PBRM1: variants seen among roughly 807,000 people sequenced by gnomAD.
PBRM1 encodes protein polybromo-1.
In PBRM1, 27 loss-of-function variants were observed where a neutral mutation model predicts 194.5. The observed-to-expected ratio is 0.14, with a 90% CI of 0.10 to 0.19. PBRM1 has a LOEUF of 0.19. Among genes scored for constraint, PBRM1 ranks in the 10% least tolerant of loss-of-function variants. The pLI, the probability that PBRM1 is intolerant of heterozygous loss-of-function variation, is 1.00. For missense variants in PBRM1, 1,466 were observed against 2,077.2 expected, an observed-to-expected ratio of 0.71 and a Z score of 5.72; for synonymous variants, 655 against 693.2, an observed-to-expected ratio of 0.94 and a Z score of 0.87.
upstream of PBRM1, chr3:52,681,894 T>G: frequency 1.2e-5 from 2 of 169,448 alleles, no homozygotes; most frequent in Non-Finnish European, 2.5e-5. Flanking sequence ...TGAGTACGAA[T>G]AGATAGAAAA....
intron 13 of PBRM1, among the ~76,000 whole-genome samples, chr3:52,619,232 A>G (rs187145654): frequency 6.6e-6 from 1 of 152,298 alleles, no homozygotes; most frequent in Admixed American, 6.5e-5. Context: ...CTAAGGTCCT[A>G]TAGTATAGTC....
intron 13 of PBRM1, chr3:52,624,934 G>C: frequency 6.5e-7 from 1 of 1,547,684 alleles, no homozygotes; most frequent in Non-Finnish European, 8.7e-7. Context: ...TCACTGTCAT[G>C]AGTGTTCCTG....
At chr3:52,636,155 G>C (rs889098277) in intron 10 of PBRM1, among the ~76,000 whole-genome samples, 13 of 151,948 alleles carry the variant, frequency 8.6e-5, no homozygotes, top group African/African-American at 2.9e-4. Flanking sequence ...ACAGGCGTGA[G>C]CCACCACGCC....
At chr3:52,632,399 C>T (rs1233626021) in intron 11 of PBRM1, among the ~76,000 whole-genome samples, 1 of 151,988 alleles carries the variant, frequency 6.6e-6, no homozygotes, top group African/African-American at 2.4e-5. Context: ...GGGCAACAAG[C>T]AAGACTTGGT....
At chr3:52,558,111 T>C (rs1044822219) in intron 26 of PBRM1, 138 bp downstream of exon 28, 5 of 617,642 alleles carry the variant, frequency 8.1e-6, no homozygotes, top group African/African-American at 1.9e-5. Context: ...AAAGGCAATA[T>C]AGGACAACAT....
At chr3:52,551,937 C>T (rs1444516198) in intron 27 of PBRM1, 3 of 152,142 alleles carry the variant, frequency 2.0e-5, no homozygotes, top group Admixed American at 6.5e-5. Context: ...GCTGCTGAAG[C>T]GAGCACTAAG....
chr3:52,563,217 T>G, intron 24 of PBRM1, 66 bp downstream of exon 26: 1 of 1,204,910 alleles, frequency 8.3e-7, no homozygotes, highest in Non-Finnish European at 1.2e-6. Context: ...CACTTTACTT[T>G]GGTTTTGAGT....
exon 29 of PBRM1, chr3:52,550,607 C>T (rs2153378791): frequency 6.5e-7 from 1 of 1,527,316 alleles, no homozygotes; most frequent in South Asian, 1.3e-5. Flanking sequence ...GGAGGTGGTG[C>T]CTGCTGCCCT....
At chr3:52,637,461 ATC>A (rs1254785899) in intron 10 of PBRM1, among the ~76,000 whole-genome samples, 1 of 151,980 alleles carries the variant, frequency 6.6e-6, no homozygotes, top group African/African-American at 2.4e-5. Context: ...ATGAAACTCC[ATC>A]TCTATCACAA....
intron 11 of PBRM1, among the ~76,000 whole-genome samples, chr3:52,629,372 C>T (rs535386249): frequency 3.3e-5 from 5 of 152,268 alleles, no homozygotes; most frequent in East Asian, 1.9e-4. Context: ...ATAGTTCATA[C>T]GTGAACCTTA....
At chr3:52,560,384 A>G (rs1303155696) in intron 25 of PBRM1, among the ~76,000 whole-genome samples, 1 of 152,232 alleles carries the variant, frequency 6.6e-6, no homozygotes, top group East Asian at 1.9e-4. Flanking sequence ...GAAATATCAA[A>G]GCTCCACAAA....
At chr3:52,663,626 A>G (rs1334125299) in intron 3 of PBRM1, among the ~76,000 whole-genome samples, 1 of 152,262 alleles carries the variant, frequency 6.6e-6, no homozygotes, top group Non-Finnish European at 1.5e-5. Flanking sequence ...TGAGGCACAT[A>G]AGAATCAAAG....
At chr3:52,664,302 T>C (rs756323331) in intron 3 of PBRM1, among the ~76,000 whole-genome samples, 39 of 148,276 alleles carry the variant, frequency 2.6e-4, no homozygotes, top group South Asian at 6.3e-4. Context: ...AGCAAAGTCC[T>C]ACAGACTCTA....
intron 16 of PBRM1, among the ~76,000 whole-genome samples, chr3:52,605,795 G>A (rs2094314610): frequency 6.6e-6 from 1 of 151,390 alleles, no homozygotes; most frequent in Non-Finnish European, 1.5e-5. Flanking sequence ...TAGAAACGAG[G>A]CTTCACCATG....
At chr3:52,645,952 G>A (rs2096279017) in intron 7 of PBRM1, among the ~76,000 whole-genome samples, 1 of 152,014 alleles carries the variant, frequency 6.6e-6, no homozygotes, top group South Asian at 2.1e-4. Flanking sequence ...ACTTGTGTAC[G>A]CTGACCTAAA....
exon 3 of PBRM1, chr3:52,668,620 C>T (rs2096885699): frequency 6.3e-7 from 1 of 1,597,810 alleles, no homozygotes; most frequent in Non-Finnish European, 8.5e-7. Context: ...GGCTGAGAAA[C>T]CACTTCATAA....
chr3:52,561,737 G>A (rs766160669), intron 25 of PBRM1, 30 bp downstream of exon 27: 22 of 1,596,914 alleles, frequency 1.4e-5, no homozygotes, highest in South Asian at 2.2e-5. Context: ...CCCTTGCTTC[G>A]AAAGACAGTT....
intron 5 of PBRM1, among the ~76,000 whole-genome samples, chr3:52,654,415 G>C (rs2096568872): frequency 6.6e-6 from 1 of 152,140 alleles, no homozygotes; most frequent in Admixed American, 6.6e-5. Flanking sequence ...ACCCAGCATG[G>C]AGTACAAAGT....
chr3:52,563,160 T>G, intron 24 of PBRM1, 123 bp downstream of exon 26: 1 of 595,718 alleles, frequency 1.7e-6, no homozygotes, highest in South Asian at 3.0e-5. Context: ...ATCTGTTCCT[T>G]CCTGCAGAAT....
Sources: allele counts gnomAD v4.1 joint callset (sites outside exome capture counted in the v4.1 genomes callset), GRCh38; gene constraint gnomAD v4.1.1; transcripts MANE v1.5; gene names NCBI Gene and HGNC (gene_info 2026-07-23, HGNC 2026-07-21).